MCPH1: variants seen among roughly 807,000 people sequenced by gnomAD.
The protein encoded by MCPH1 is microcephalin 1.
In MCPH1, 104 loss-of-function variants were observed where a neutral mutation model predicts 84.5. The observed-to-expected ratio is 1.23, with a 90% CI of 1.05 to 1.45. The LOEUF (loss-of-function observed/expected upper bound fraction) is 1.45. MCPH1 is among the 40% of genes most tolerant of loss of function. MCPH1 has a pLI of 0.00. For missense variants in MCPH1, 1,498 were observed against 1,005.7 expected (o/e 1.49, Z -6.62); for synonymous variants, 514 against 366.8 (o/e 1.40, Z -4.58).
chr8:6,467,739 G>T (rs967427946), intron 9 of MCPH1, among the ~76,000 whole-genome samples: 1 of 152,220 alleles, frequency 6.6e-6, no homozygotes, highest in Non-Finnish European at 1.5e-5. Flanking sequence ...TGAGACTCCA[G>T]GCAGGTGCCA....
At chr8:6,613,558 T>G (rs1586802160) in intron 12 of MCPH1, among the ~76,000 whole-genome samples, 4 of 147,260 alleles carry the variant, frequency 2.7e-5, no homozygotes, top group Admixed American at 6.7e-5. Flanking sequence ...AGGTGGGAGG[T>G]GGCAGCTACG....
chr8:6,628,416 G>C (rs1796910552), intron 13 of MCPH1, among the ~76,000 whole-genome samples: 1 of 139,368 alleles, frequency 7.2e-6, no homozygotes, highest in African/African-American at 2.7e-5. Flanking sequence ...CTTGCAGTGA[G>C]CCGAGATCAC....
At chr8:6,496,890 C>A (rs867608357) in intron 11 of MCPH1, among the ~76,000 whole-genome samples, 5 of 152,272 alleles carry the variant, frequency 3.3e-5, no homozygotes, top group Middle Eastern at 3.4e-3. Flanking sequence ...ACCCCACCCC[C>A]AGTTTTCTCT....
Position 6,527,495 on chromosome 8 carries a change from G to T in MCPH1, c.2214+27566G>T, listed in dbSNP as rs922726306. On this transcript the variant is annotated intron_variant, in intron 12 of 13. Coordinates refer to ENST00000344683, the MANE Select transcript of MCPH1 (RefSeq NM_024596.5). ...TTCTGATAATTCATCATTTGAGACC[G>T]ACTTTCATATCTGGAAAGTGTGCAG... The T allele has an allele frequency of 3.3e-5, 52 of 1,569,432 alleles. No individual in the cohort carries two copies. The African/African-American group carries it at 6.0e-4, about 18-fold the overall frequency.
At chr8:6,638,424 A>C (rs369198282) in intron 13 of MCPH1, among the ~76,000 whole-genome samples, 4 of 152,258 alleles carry the variant, frequency 2.6e-5, no homozygotes, top group African/African-American at 7.2e-5. Context: ...GTTTTAGTTA[A>C]ATAAAGTGAC....
At position 6,458,387 on chromosome 8, in the gene MCPH1, G is replaced by A. The variant is rs189987559; in HGVS notation, c.1935+3135G>A. On this transcript the variant is annotated intron_variant, in intron 9 of 13. Transcript: ENST00000344683. ...CTCGGAAGGCTGAGGCAGGAGAATG[G>A]CATGAACCCGGGAGGCGGAGATTGC... is the stretch of plus-strand genomic sequence containing the variant. Among the ~76,000 whole-genome samples, 361 of 151,396 alleles carry A rather than the reference G, an allele frequency of 2.4e-3. 4 individuals are homozygous for A. Among genetic ancestry groups the A allele is most frequent in the African/African-American group, 8.5e-3 (350 of 41,276 alleles).
chr8:6,581,043 T>C (rs945198269), intron 12 of MCPH1, among the ~76,000 whole-genome samples: 4 of 152,208 alleles, frequency 2.6e-5, no homozygotes, highest in African/African-American at 7.2e-5. Flanking sequence ...GTATTAACTA[T>C]CATAAGTAAT....
At position 6,642,405 on chromosome 8, in the gene MCPH1, A is replaced by C. The variant is rs113686163; in HGVS notation, c.2453-589A>C. ...GCAGCGCTATCCTGGGCCAGGCGCA[A>C]CTTGTGATTTTCATAAAATAGTCGA... On this transcript the variant is annotated intron_variant, in intron 13 of 13. Coordinates refer to ENST00000344683, the MANE Select transcript of MCPH1 (RefSeq NM_024596.5). 7.5e-3 allele frequency among the ~76,000 whole-genome samples: 1,140 copies of C among 152,272 alleles called. 19 individuals are homozygous for C. Among genetic ancestry groups the C allele is most frequent in the African/African-American group, 0.026 (1,088 of 41,548 alleles).
intron 6 of MCPH1, among the ~76,000 whole-genome samples, chr8:6,440,454 C>T (rs1389128915): frequency 1.3e-5 from 2 of 152,180 alleles, no homozygotes; most frequent in Admixed American, 6.5e-5. Flanking sequence ...ACATGCACTC[C>T]TGGGCTCAAG....
At chr8:6,586,599 A>T (rs923649368) in intron 12 of MCPH1, among the ~76,000 whole-genome samples, 1 of 152,196 alleles carries the variant, frequency 6.6e-6, no homozygotes, top group Non-Finnish European at 1.5e-5. Context: ...TCTGGGGGGA[A>T]TTCTGCAAAG....
At chr8:6,585,897 G>A (rs1827940616) in intron 12 of MCPH1, among the ~76,000 whole-genome samples, 1 of 152,166 alleles carries the variant, frequency 6.6e-6, no homozygotes, top group African/African-American at 2.4e-5. Flanking sequence ...ACCTCCTTGT[G>A]TTAACCCAAG....
chr8:6,624,127 T>A (rs1831806304), intron 13 of MCPH1, among the ~76,000 whole-genome samples: 1 of 152,180 alleles, frequency 6.6e-6, no homozygotes, highest in African/African-American at 2.4e-5. Flanking sequence ...GCCGCTCGGC[T>A]CTCCCGCCCG....
rs1352871081 is a variant in MCPH1 at position 6,514,582 on chromosome 8, G to C, written c.2214+14653G>C. On this transcript the variant is annotated intron_variant, in intron 12 of 13. Coordinates refer to ENST00000344683, the MANE Select transcript of MCPH1 (RefSeq NM_024596.5). ...TTTAAAAACCATGTCAAAAGTCATT[G>C]GTTAGTTTGGGATTGGTGGTTAAGG... 2.8e-6 allele frequency: 3 copies of C among 1,058,168 alleles called. No homozygotes were observed. The African/African-American group carries it at 4.7e-5, about 17-fold the overall frequency. The allele number at this position is 1,058,168 out of a possible 1,614,324, so 65.5% of individuals were successfully genotyped here.
chr8:6,422,254 A>G (rs1013375074), intron 3 of MCPH1, among the ~76,000 whole-genome samples: 15 of 152,224 alleles, frequency 9.9e-5, no homozygotes, highest in African/African-American at 3.6e-4. Context: ...CTCAGTAAAT[A>G]TTTGTTCTAA....
intron 12 of MCPH1, chr8:6,618,676 A>G (rs927165045): frequency 2.0e-5 from 3 of 152,212 alleles, no homozygotes; most frequent in African/African-American, 7.2e-5. Flanking sequence ...AATGATGAAC[A>G]AGCTATTTCC....
At chr8:6,468,928 C>A (rs1345408671) in intron 9 of MCPH1, among the ~76,000 whole-genome samples, 1 of 152,136 alleles carries the variant, frequency 6.6e-6, no homozygotes, top group Non-Finnish European at 1.5e-5. Context: ...GTGGCTCATG[C>A]TTGTAATCCC....
Position 6,643,280 on chromosome 8 carries a change from T to G in MCPH1, c.*231T>G, listed in dbSNP as rs1798051597. ...TTTATTTTTATTTTATTTTTTATTT[T>G]TTGAGACGGAGTCCTGCCCTGTTTC... On this transcript the variant is annotated 3_prime_UTR_variant, in exon 14 of 14. Transcript: ENST00000344683. 2 of 544,032 alleles carry G rather than the reference T, an allele frequency of 3.7e-6. No individual in the cohort carries two copies. The highest frequency in any genetic ancestry group is 6.5e-6 in the Non-Finnish European group (2 of 306,036). 33.7% of individuals were successfully genotyped at this position (544,032 alleles called of 1,614,324 possible).
intron 12 of MCPH1, among the ~76,000 whole-genome samples, chr8:6,617,900 AATCTATCTATCT>A (rs142071946): frequency 1.3e-4 from 19 of 143,134 alleles, no homozygotes; most frequent in East Asian, 4.2e-4. Flanking sequence ...CTATCTATCT[AATCTATCTATCT>A]ATCTATCTAT....
intron 10 of MCPH1, among the ~76,000 whole-genome samples, chr8:6,479,238 G>C (rs1019179564): frequency 6.6e-5 from 10 of 151,468 alleles, no homozygotes; most frequent in Non-Finnish European, 1.3e-4. Context: ...CTGCACTCCA[G>C]CCTGGGCAAC....
Sources: gnomAD v4.1 joint callset for allele counts (sites outside exome capture counted in the v4.1 genomes callset) on GRCh38, gnomAD v4.1.1 for gene constraint, MANE v1.5 for transcripts, NCBI Gene and HGNC (gene_info 2026-07-23, HGNC 2026-07-21) for gene names.